NRG3: variants seen among roughly 807,000 people sequenced by gnomAD.
NRG3 encodes pro-neuregulin-3, membrane-bound isoform.
A neutral mutation model predicts 66.9 loss-of-function variants in NRG3; 31 were observed. The observed-to-expected ratio is 0.46, with a 90% CI of 0.35 to 0.63. The LOEUF is 0.63. Ranked by LOEUF, NRG3 falls within the 20% of genes least tolerant of loss-of-function variation. The pLI, the probability that NRG3 is intolerant of heterozygous loss-of-function variation, is 0.00. For synonymous variants in NRG3, 393 were observed against 359.4 expected (o/e 1.09, Z -1.06); for missense variants, 910 against 878.9 (o/e 1.04, Z -0.45).
intron 1 of NRG3, among the ~76,000 whole-genome samples, chr10:82,199,905 T>C (rs2074694769): frequency 6.6e-6 from 1 of 151,642 alleles, no homozygotes; most frequent in Non-Finnish European, 1.5e-5. Flanking sequence ...TGTGTGTGTG[T>C]GTGTGTGTGT....
chr10:82,467,143 A>C (rs577486348), intron 2 of NRG3, among the ~76,000 whole-genome samples: 12 of 152,294 alleles, frequency 7.9e-5, no homozygotes, highest in Admixed American at 7.2e-4. Context: ...GTAAACAGTC[A>C]AGCACTGCAC....
intron 2 of NRG3, among the ~76,000 whole-genome samples, chr10:82,610,568 G>T (rs637264): frequency 0.078 from 11,931 of 152,128 alleles, 576 homozygotes; most frequent in East Asian, 0.14. Context: ...CAAGCCCACT[G>T]GGATGCTCTT....
At position 81,955,296 on chromosome 10, in the gene NRG3, T is replaced by C. The variant is rs116363820; in HGVS notation, c.823+79133T>C. 6.2e-3 allele frequency among the ~76,000 whole-genome samples: 942 copies of C among 151,966 alleles called. 5 individuals are homozygous for C. The highest frequency in any genetic ancestry group is 0.021 in the African/African-American group (881 of 41,450). ...AGTCCAAAGTATGAAGACCCCTATT[T>C]CCCAGTTGAAATCTGAGGGCTGGAA... On this transcript the variant is annotated intron_variant, in intron 1 of 8. Transcript: ENST00000372141.
intron 2 of NRG3, among the ~76,000 whole-genome samples, chr10:82,511,706 A>G (rs975496848): frequency 6.6e-6 from 1 of 152,156 alleles, no homozygotes; most frequent in African/African-American, 2.4e-5. Flanking sequence ...CACTGGAAGA[A>G]AGGACAGAAC....
rs374489500 is a variant in NRG3, at chr10:82,730,433, C to T, written c.954-8144C>T. Among the ~76,000 whole-genome samples the T allele has an allele frequency of 2.4e-4, 37 of 152,124 alleles. 1 individual carries two copies. The highest frequency in any genetic ancestry group is 6.8e-4 in the African/African-American group (28 of 41,428). On this transcript the variant is annotated intron_variant, in intron 2 of 8. Coordinates refer to ENST00000372141, the MANE Select transcript of NRG3 (RefSeq NM_001010848.4). ...AAGATATAATTCCATTAGCAAGAAA[C>T]GTCAGAGTGACATTTTAAGCAATGC...
At chr10:82,876,030 A>T (rs1001698879) in intron 4 of NRG3, among the ~76,000 whole-genome samples, 1 of 152,224 alleles carries the variant, frequency 6.6e-6, no homozygotes, top group African/African-American at 2.4e-5. Context: ...ATTAATCATG[A>T]TTTCTACAAA....
At chr10:82,127,685 A>G (rs1357289741) in intron 1 of NRG3, among the ~76,000 whole-genome samples, 2 of 151,962 alleles carry the variant, frequency 1.3e-5, no homozygotes, top group Admixed American at 6.6e-5. Flanking sequence ...GACAGGTGGC[A>G]TCAGCCTATC....
Position 81,954,642 on chromosome 10 carries a change from C to A in NRG3, c.823+78479C>A, listed in dbSNP as rs191506514. Among the ~76,000 whole-genome samples, 266 of 151,512 alleles carry A rather than the reference C, an allele frequency of 1.8e-3. 1 individual carries two copies. Among genetic ancestry groups the A allele is most frequent in the Admixed American group, 2.4e-3 (36 of 15,164 alleles). On this transcript the variant is annotated intron_variant, in intron 1 of 8. Coordinates refer to ENST00000372141, the MANE Select transcript of NRG3 (RefSeq NM_001010848.4). ...TGCTAAAATGATCATTGTGTACACC[C>A]AGAATAAAACATAAAAATATCTGCA...
intron 2 of NRG3, among the ~76,000 whole-genome samples, chr10:82,496,211 G>A (rs747947244): frequency 6.6e-6 from 1 of 152,182 alleles, no homozygotes; most frequent in Non-Finnish European, 1.5e-5. Context: ...GGTTGTTAGC[G>A]ATAAAATTTG....
intron 1 of NRG3, among the ~76,000 whole-genome samples, chr10:81,973,756 G>A (rs1212796510): frequency 6.6e-6 from 1 of 152,020 alleles, no homozygotes; most frequent in South Asian, 2.1e-4. Flanking sequence ...TTATGGGGTT[G>A]TTTTTTCTTC....
chr10:82,557,883 C>T (rs1301153962), intron 2 of NRG3, among the ~76,000 whole-genome samples: 1 of 152,158 alleles, frequency 6.6e-6, no homozygotes, highest in East Asian at 1.9e-4. Flanking sequence ...GCAGAGCTGG[C>T]TTTGCACCCA....
chr10:82,346,625 G>T (rs986990071), intron 1 of NRG3, among the ~76,000 whole-genome samples: 1 of 151,700 alleles, frequency 6.6e-6, no homozygotes, highest in African/African-American at 2.4e-5. Flanking sequence ...GATTGGAATA[G>T]TTTCAGAAGG....
intron 3 of NRG3, among the ~76,000 whole-genome samples, chr10:82,772,521 C>G (rs911813597): frequency 2.0e-5 from 3 of 151,964 alleles, no homozygotes; most frequent in Admixed American, 6.6e-5. Context: ...TTCTATATCT[C>G]TGTATATTTG....
chr10:82,858,942 C>CT (rs534067829), intron 3 of NRG3, among the ~76,000 whole-genome samples: 2,937 of 124,144 alleles, frequency 0.024, 129 homozygotes, highest in African/African-American at 0.06. Context: ...AGTAGTCTAA[C>CT]TTTTTTTTTT....
intron 1 of NRG3, among the ~76,000 whole-genome samples, chr10:81,956,497 A>G (rs1364500469): frequency 1.3e-5 from 2 of 152,180 alleles, no homozygotes; most frequent in African/African-American, 4.8e-5. Flanking sequence ...TTTAGTGACT[A>G]AAACATTGCA....
At chr10:82,234,693 G>C (rs745929114) in intron 1 of NRG3, among the ~76,000 whole-genome samples, 2 of 152,136 alleles carry the variant, frequency 1.3e-5, no homozygotes, top group Non-Finnish European at 2.9e-5. Context: ...GCTACAGCAG[G>C]GACAGCATCG....
intron 2 of NRG3, among the ~76,000 whole-genome samples, chr10:82,499,259 C>A (rs1843921485): frequency 6.6e-6 from 1 of 152,108 alleles, no homozygotes; most frequent in Non-Finnish European, 1.5e-5. Context: ...TTTTTTCAAA[C>A]AGTTAAAAAG....
chr10:82,885,280 C>T (rs925251483), intron 4 of NRG3, among the ~76,000 whole-genome samples: 12 of 152,112 alleles, frequency 7.9e-5, no homozygotes, highest in African/African-American at 2.9e-4. Flanking sequence ...GCATGATGCT[C>T]CTGTAGCTGA....
chr10:82,103,641 C>T (rs2066891278), intron 1 of NRG3, among the ~76,000 whole-genome samples: 1 of 152,130 alleles, frequency 6.6e-6, no homozygotes, highest in African/African-American at 2.4e-5. Flanking sequence ...TTAGCAGTGG[C>T]TCAGAAATTT....
Sources: allele counts gnomAD v4.1 joint callset (sites outside exome capture counted in the v4.1 genomes callset), GRCh38; gene constraint gnomAD v4.1.1; transcripts MANE v1.5; gene names NCBI Gene and HGNC (gene_info 2026-07-23, HGNC 2026-07-21).